Variants in ADGRL2 observed in about 807,000 individuals in gnomAD.
ADGRL2 encodes adhesion G protein-coupled receptor L2.
ADGRL2 carries 44 observed loss-of-function variants against 157.4 expected under a neutral mutation model. The observed-to-expected ratio is 0.28, with a 90% CI of 0.22 to 0.36. The LOEUF (loss-of-function observed/expected upper bound fraction) is 0.36. ADGRL2 is among the 10% of genes least tolerant of loss of function. The pLI is 1.00. For synonymous variants in ADGRL2, 585 were observed against 624.7 expected, an observed-to-expected ratio of 0.94 and a Z score of 0.95; for missense variants, 1,510 against 1,768.9, an observed-to-expected ratio of 0.85 and a Z score of 2.63.
chr1:81,993,093 T>A lies in ADGRL2; in HGVS notation c.*1948T>A, dbSNP rs1385560213. ...TATATATATATATATATATATTTTT[T>A]TTTTTTTTTTTTTTTTTTTTTTTTT... On this transcript the variant is annotated 3_prime_UTR_variant, in exon 24 of 24. Coordinates refer to ENST00000686636, the MANE Select transcript of ADGRL2 (RefSeq NM_001366006.2). 4.7e-3 allele frequency among the ~76,000 whole-genome samples: 181 copies of A among 38,244 alleles called. No homozygotes were observed. The highest frequency in any genetic ancestry group is 8.1e-3 in the African/African-American group (76 of 9,392). 25.1% of individuals were successfully genotyped at this position (38,244 alleles called of 152,430 possible). A position where few individuals can be genotyped will look rare whatever the true frequency, so the allele number is the denominator to read the frequency against.
intron 3 of ADGRL2, among the ~76,000 whole-genome samples, chr1:81,655,247 G>A (rs987788471): frequency 7.2e-5 from 11 of 152,076 alleles, no homozygotes; most frequent in African/African-American, 2.2e-4. Context: ...TGATCCGCCC[G>A]CCTCGGCCTC....
chr1:81,341,097 T>C (rs1662041254), intron 1 of ADGRL2, among the ~76,000 whole-genome samples: 1 of 152,132 alleles, frequency 6.6e-6, no homozygotes, highest in Non-Finnish European at 1.5e-5. Context: ...CTTGATAACA[T>C]ATCCCTGAAA....
chr1:81,596,339 C>T, intron 3 of ADGRL2: 1 of 540,328 alleles, frequency 1.9e-6, no homozygotes, highest in Non-Finnish European at 3.6e-6. Context: ...TCTTGGTAGG[C>T]ATTCGAACTT....
At chr1:81,963,739 T>C (rs925766777) in intron 11 of ADGRL2, among the ~76,000 whole-genome samples, 1 of 151,522 alleles carries the variant, frequency 6.6e-6, no homozygotes, top group African/African-American at 2.4e-5. Flanking sequence ...AAATTTAATT[T>C]GTCCAGGATA....
chr1:81,517,143 C>T (rs2079196756), intron 2 of ADGRL2, among the ~76,000 whole-genome samples: 1 of 151,816 alleles, frequency 6.6e-6, no homozygotes, highest in African/African-American at 2.4e-5. Flanking sequence ...AATTCCACAC[C>T]CAGAGGTGAA....
At chr1:81,456,053 A>T (rs2077798184) in intron 2 of ADGRL2, among the ~76,000 whole-genome samples, 1 of 152,212 alleles carries the variant, frequency 6.6e-6, no homozygotes, top group Non-Finnish European at 1.5e-5. Flanking sequence ...AGCCTAATAC[A>T]TTTGGAAGGG....
chr1:81,933,958 C>T (rs536375530), intron 3 of ADGRL2, among the ~76,000 whole-genome samples: 1 of 152,078 alleles, frequency 6.6e-6, no homozygotes, highest in Non-Finnish European at 1.5e-5. Flanking sequence ...ATTTCTTGCA[C>T]TTCTGATATC....
At chr1:81,700,621 C>G (rs2083547174) in intron 1 of ADGRL2, among the ~76,000 whole-genome samples, 1 of 152,038 alleles carries the variant, frequency 6.6e-6, no homozygotes, top group Non-Finnish European at 1.5e-5. Context: ...GGGGAGGGAA[C>G]CCACTGAAAC....
intron 3 of ADGRL2, among the ~76,000 whole-genome samples, chr1:81,936,069 ATGC>A (rs2148849813): frequency 6.6e-6 from 1 of 152,074 alleles, no homozygotes; most frequent in African/African-American, 2.4e-5. Context: ...AGTAACAATA[ATGC>A]TTAGACATTA....
In ADGRL2 at chr1:81,494,071, C is replaced by G. The variant is rs573179008; in HGVS notation, c.-248+48982C>G. 3.9e-5 allele frequency among the ~76,000 whole-genome samples: 6 copies of G among 152,240 alleles called. No individual in the cohort carries two copies. The South Asian group carries it at 1.2e-3, about 32-fold the overall frequency. On this transcript the variant is annotated intron_variant, in intron 2 of 24. Coordinates refer to the ADGRL2 transcript ENST00000370721. ...AATGTCAACAGTCACAAACTTATGT[C>G]TCCTTCATGTTTTGACAATGTTCAG... is the stretch of plus-strand genomic sequence containing the variant.
chr1:81,908,535 G>A (rs1281905805), intron 3 of ADGRL2, among the ~76,000 whole-genome samples: 1 of 152,166 alleles, frequency 6.6e-6, no homozygotes, highest in African/African-American at 2.4e-5. Context: ...TGTCAATTAT[G>A]GATAGAGCTA....
At position 81,681,058 on chromosome 1, in the gene ADGRL2, C is replaced by A. The variant is rs1570815817; in HGVS notation, c.-142-80753C>A. On this transcript the variant is annotated intron_variant, in intron 3 of 24. Transcript: ENST00000370721. ...GAAAGTAATGAGGATCAAGAATGAG[C>A]CCTTTGGCCTATAGAACAGAGCTGT... Among the ~76,000 whole-genome samples the A allele has an allele frequency of 2.0e-5, 3 of 152,282 alleles. No homozygotes were observed. In the East Asian group the frequency reaches 5.8e-4, roughly 29 times the overall value.
intron 2 of ADGRL2, among the ~76,000 whole-genome samples, chr1:81,447,155 G>A (rs767861742): frequency 6.6e-6 from 1 of 151,710 alleles, no homozygotes; most frequent in Non-Finnish European, 1.5e-5. Context: ...TTAATAATAG[G>A]TTATTTATTG....
chr1:81,529,826 G>A (rs1295590502), intron 2 of ADGRL2, among the ~76,000 whole-genome samples: 1 of 152,164 alleles, frequency 6.6e-6, no homozygotes, highest in African/African-American at 2.4e-5. Context: ...AAAGCCCAAA[G>A]TCTGCAGTTT....
At chr1:81,644,148 G>A (rs1183034504) in intron 3 of ADGRL2, among the ~76,000 whole-genome samples, 3 of 152,080 alleles carry the variant, frequency 2.0e-5, no homozygotes, top group Admixed American at 6.6e-5. Context: ...AACAAATGGC[G>A]CTGAACAACT....
upstream of ADGRL2, among the ~76,000 whole-genome samples, chr1:81,797,889 T>C (rs2087672386): frequency 6.6e-6 from 1 of 152,136 alleles, no homozygotes; most frequent in African/African-American, 2.4e-5. Flanking sequence ...GTTCCTTCTG[T>C]TTTCTTTGAA....
At chr1:81,312,159 T>C (rs1448586566) in intron 1 of ADGRL2, among the ~76,000 whole-genome samples, 1 of 152,350 alleles carries the variant, frequency 6.6e-6, no homozygotes, top group East Asian at 1.9e-4. Flanking sequence ...GCAAAGAGAA[T>C]GTAAGGTGGC....
At chr1:81,687,193 T>G (rs1429685200) in intron 3 of ADGRL2, among the ~76,000 whole-genome samples, 1 of 152,212 alleles carries the variant, frequency 6.6e-6, no homozygotes, top group Non-Finnish European at 1.5e-5. Flanking sequence ...GTTTGTTGAC[T>G]TTCTGTCTTG....
At chr1:81,488,180 A>C (rs1308511555) in intron 2 of ADGRL2, among the ~76,000 whole-genome samples, 1 of 152,112 alleles carries the variant, frequency 6.6e-6, no homozygotes. Context: ...AAACAACTGA[A>C]TATATGAGGA....
Sources: allele counts gnomAD v4.1 joint callset (sites outside exome capture counted in the v4.1 genomes callset), GRCh38; gene constraint gnomAD v4.1.1; transcripts MANE v1.5; gene names NCBI Gene and HGNC (gene_info 2026-07-23, HGNC 2026-07-21).